The following TCF25 variants were observed in gnomAD, a reference collection of about 807,000 sequenced individuals.
The protein encoded by TCF25 is TCF25 ribosome quality control complex subunit, also known as ribosome quality control complex subunit TCF25.
A neutral mutation model predicts 83.1 loss-of-function variants in TCF25; 41 were observed. That is an observed-to-expected ratio of 0.49 (90% CI 0.38 to 0.64). TCF25 has a LOEUF of 0.64. Ranked by LOEUF, TCF25 falls within the 30% of genes least tolerant of loss-of-function variation. The pLI is 0.00. For missense variants in TCF25, 979 were observed against 914.5 expected, an observed-to-expected ratio of 1.07 and a Z score of -0.91; for synonymous variants, 458 against 365.0, an observed-to-expected ratio of 1.25 and a Z score of -2.90.
chr16:89,875,935 C>T (rs1039764348), intron 1 of TCF25, among the ~76,000 whole-genome samples: 6 of 150,618 alleles, frequency 4.0e-5, no homozygotes, highest in Non-Finnish European at 8.8e-5. Flanking sequence ...CCTCAGCCTC[C>T]TGAGCAGCTG....
intron 6 of TCF25, 124 bp downstream of exon 6, chr16:89,892,399 T>C: frequency 9.2e-7 from 1 of 1,084,852 alleles, no homozygotes; most frequent in Admixed American, 2.3e-5. Flanking sequence ...GGCGGGGGGG[T>C]GTGTTCTGTG....
Position 89,911,348 on chromosome 16 carries a change from C to A in TCF25, c.*110C>A. 1 of 1,397,482 alleles carries A rather than the reference C, an allele frequency of 7.2e-7. No individual in the cohort carries two copies. The highest frequency in any genetic ancestry group is 1.3e-5 in the South Asian group (1 of 77,968). The allele number at this position is 1,397,482 out of a possible 1,614,324, so 86.6% of individuals were successfully genotyped here. On this transcript the variant is annotated 3_prime_UTR_variant, in exon 18 of 18. Coordinates refer to ENST00000263346, the MANE Select transcript of TCF25 (RefSeq NM_014972.3). ...GAAGCTGAGTGTGTCGCTCCCTGGT[C>A]CACTGTTTCTCCTATAAATGTAAAT...
At chr16:89,906,307 G>C in intron 15 of TCF25, 23 bp downstream of exon 15, 1 of 1,609,440 alleles carries the variant, frequency 6.2e-7, no homozygotes, top group Non-Finnish European at 8.5e-7. Context: ...GGCTGAAATG[G>C]GAGCTCTGTG....
At chr16:89,894,358 G>C (rs113364032) in intron 7 of TCF25, among the ~76,000 whole-genome samples, 1 of 148,744 alleles carries the variant, frequency 6.7e-6, no homozygotes, top group African/African-American at 2.5e-5. Context: ...TCCCCTTGCA[G>C]CCCCGGACGG....
chr16:89,876,722 C>A (rs551872990), intron 1 of TCF25, among the ~76,000 whole-genome samples: 4 of 151,720 alleles, frequency 2.6e-5, no homozygotes, highest in African/African-American at 9.7e-5. Flanking sequence ...GTCAGGAGAT[C>A]CAGACCATCC....
intron 12 of TCF25, among the ~76,000 whole-genome samples, chr16:89,901,754 G>GA (rs1421490320): frequency 2.6e-4 from 2 of 7,796 alleles, no homozygotes; most frequent in Admixed American, 2.2e-3. Context: ...CAAAAAAAAA[G>GA]AAAAAAAAAA....
chr16:89,887,393 C>T (rs1056556617), intron 4 of TCF25, among the ~76,000 whole-genome samples: 6 of 152,180 alleles, frequency 3.9e-5, no homozygotes, highest in Non-Finnish European at 8.8e-5. Context: ...CAGAAACAGA[C>T]GTGTGCCACA....
chr16:89,903,768 A>G (rs577256887), intron 12 of TCF25, among the ~76,000 whole-genome samples: 8 of 152,074 alleles, frequency 5.3e-5, no homozygotes, highest in Admixed American at 1.3e-4. Context: ...GATTTCGCCA[A>G]CGCACTCCAG....
At chr16:89,891,075 C>T (rs2043391122) in intron 5 of TCF25, among the ~76,000 whole-genome samples, 1 of 152,172 alleles carries the variant, frequency 6.6e-6, no homozygotes, top group Admixed American at 6.5e-5. Context: ...GTCAGCTCAT[C>T]GCCCCCGCAC....
At chr16:89,898,679 C>T in intron 10 of TCF25, 30 bp downstream of exon 10, 2 of 1,612,176 alleles carry the variant, frequency 1.2e-6, no homozygotes, top group Non-Finnish European at 1.7e-6. Context: ...CAAGCCCGTC[C>T]ACGCTCCCTG....
rs2144261387 is a variant in TCF25 at position 89,905,232 on chromosome 16, G to T, written c.1628+136G>T. The T allele has an allele frequency of 3.1e-6, 4 of 1,277,700 alleles. No individual in the cohort carries two copies. The South Asian group carries it at 4.7e-5, about 15-fold the overall frequency. The allele number at this position is 1,277,700 out of a possible 1,614,324, so 79.1% of individuals were successfully genotyped here. A position where few individuals can be genotyped will look rare whatever the true frequency, so the allele number is the denominator to read the frequency against. ...TCCCTTGCTGTGGGGCCTGTGTGGA[G>T]CCTACAAGACAGCGCACAGCCCCTG... is the stretch of plus-strand genomic sequence containing the variant. On this transcript the variant is annotated intron_variant, in intron 14 of 17. Coordinates refer to ENST00000263346, the MANE Select transcript of TCF25 (RefSeq NM_014972.3).
intron 16 of TCF25, chr16:89,910,317 G>T (rs984471460): frequency 3.7e-6 from 2 of 538,968 alleles, no homozygotes; most frequent in East Asian, 6.3e-5. Flanking sequence ...GAGGATGGCT[G>T]TGGGAGCCTC....
chr16:89,885,818 G>T (rs764301459), intron 3 of TCF25, 30 bp from the exon 4 acceptor site: 2 of 1,510,388 alleles, frequency 1.3e-6, no homozygotes, highest in Middle Eastern at 1.7e-4. Flanking sequence ...TGTCAGTGTG[G>T]TGATTAAGAG....
chr16:89,882,080 G>C (rs1345621142), intron 1 of TCF25, among the ~76,000 whole-genome samples: 2 of 152,188 alleles, frequency 1.3e-5, no homozygotes, highest in Non-Finnish European at 2.9e-5. Context: ...TGAGGAGCCA[G>C]AACTTTTCCT....
rs377613474 is a variant in TCF25 at position 89,892,013 on chromosome 16, G to A, written c.615-180G>A. 7.1e-3 allele frequency among the ~76,000 whole-genome samples: 1,081 copies of A among 152,138 alleles called. 4 individuals are homozygous for A. The highest frequency in any genetic ancestry group is 0.011 in the Non-Finnish European group (743 of 68,004). On this transcript the variant is annotated intron_variant, in intron 5 of 17. Transcript: ENST00000263346. ...CTATGGGGCCCTCCCTGCTGCACCC[G>A]TCCCACAGCAGTTGCTGACGCTTGT...
chr16:89,906,332 G>T, intron 15 of TCF25, 48 bp downstream of exon 15: 1 of 1,582,744 alleles, frequency 6.3e-7, no homozygotes, highest in Non-Finnish European at 8.6e-7. Context: ...CCGGTCACAT[G>T]CACGTCCCTT....
chr16:89,908,652 C>G (rs1181602584), intron 16 of TCF25, among the ~76,000 whole-genome samples: 1 of 135,650 alleles, frequency 7.4e-6, no homozygotes, highest in Non-Finnish European at 1.6e-5. Context: ...TCCCAGCTCC[C>G]ACCTCCCAGC....
At chr16:89,886,904 C>G (rs1597302107) in intron 4 of TCF25, among the ~76,000 whole-genome samples, 1 of 152,176 alleles carries the variant, frequency 6.6e-6, no homozygotes, top group Non-Finnish European at 1.5e-5. Flanking sequence ...GATCGCGCCA[C>G]TGCACTCCAG....
In TCF25 at chr16:89,886,414, C is replaced by T. The variant is rs558054659; in HGVS notation, c.548+448C>T. On this transcript the variant is annotated intron_variant, in intron 4 of 17. Transcript: ENST00000263346. ...CTGCACTCCAGCCTGGGCAACACTG[C>T]GAGACTGTGTCTCAAAAAAATAATA... is the stretch of plus-strand genomic sequence containing the variant. Among the ~76,000 whole-genome samples the T allele has an allele frequency of 7.4e-5, 10 of 135,520 alleles. No individual in the cohort carries two copies. The South Asian group carries it at 1.4e-3, about 19-fold the overall frequency. The allele number at this position is 135,520 out of a possible 152,430, so 88.9% of individuals were successfully genotyped here. A position where few individuals can be genotyped will look rare whatever the true frequency, so the allele number is the denominator to read the frequency against.
Sources: allele counts gnomAD v4.1 joint callset (sites outside exome capture counted in the v4.1 genomes callset), GRCh38; gene constraint gnomAD v4.1.1; transcripts MANE v1.5; gene names NCBI Gene and HGNC (gene_info 2026-07-23, HGNC 2026-07-21).